ST6GALNAC3: variants seen among roughly 807,000 people sequenced by gnomAD.
ST6GALNAC3 encodes the protein alpha-N-acetylgalactosaminide alpha-2,6-sialyltransferase 3.
A neutral mutation model predicts 32.7 loss-of-function variants in ST6GALNAC3; 25 were observed. That is an observed-to-expected ratio of 0.76 (90% CI 0.56 to 1.07). The LOEUF (loss-of-function observed/expected upper bound fraction) is 1.07. Ranked by LOEUF, ST6GALNAC3 falls within the 50% of genes least tolerant of loss-of-function variation. The pLI is 0.00. For synonymous variants in ST6GALNAC3, 129 were observed against 133.1 expected (o/e 0.97, Z 0.21); for missense variants, 355 against 382.4 (o/e 0.93, Z 0.60).
intron 3 of ST6GALNAC3, among the ~76,000 whole-genome samples, chr1:76,446,536 T>A: frequency 6.6e-6 from 1 of 152,146 alleles, no homozygotes; most frequent in East Asian, 1.9e-4. Context: ...TGTTACTATC[T>A]CCTTAGCTTT....
intron 3 of ST6GALNAC3, among the ~76,000 whole-genome samples, chr1:76,480,564 G>C (rs1182688826): frequency 6.6e-6 from 1 of 152,082 alleles, no homozygotes; most frequent in African/African-American, 2.4e-5. Context: ...GGTACATAGT[G>C]CCTCTAGCTG....
intron 2 of ST6GALNAC3, among the ~76,000 whole-genome samples, chr1:76,368,212 A>G (rs1650531730): frequency 6.6e-6 from 1 of 152,120 alleles, no homozygotes; most frequent in Admixed American, 6.5e-5. Flanking sequence ...GCACAAAACC[A>G]TCTATAGGCA....
chr1:76,566,988 C>A (rs564465609), intron 3 of ST6GALNAC3, among the ~76,000 whole-genome samples: 16 of 151,922 alleles, frequency 1.1e-4, no homozygotes, highest in Non-Finnish European at 2.1e-4. Flanking sequence ...GCCATCCTAC[C>A]CTTAATAGAT....
chr1:76,466,213 TA>T (rs1318126911), intron 3 of ST6GALNAC3, among the ~76,000 whole-genome samples: 3 of 152,128 alleles, frequency 2.0e-5, no homozygotes, highest in Non-Finnish European at 4.4e-5. Context: ...GATGATGACA[TA>T]GTCTCAGATA....
intron 2 of ST6GALNAC3, among the ~76,000 whole-genome samples, chr1:76,332,857 C>G (rs945425061): frequency 6.6e-6 from 1 of 152,116 alleles, no homozygotes; most frequent in East Asian, 1.9e-4. Flanking sequence ...CCTCATTTAC[C>G]TGGTAAACTC....
intron 2 of ST6GALNAC3, among the ~76,000 whole-genome samples, chr1:76,392,780 C>A (rs1293665495): frequency 6.6e-6 from 1 of 152,108 alleles, no homozygotes; most frequent in Non-Finnish European, 1.5e-5. Context: ...GGTCAACTGG[C>A]CAAAAATAAA....
At chr1:76,328,795 T>A (rs1300074134) in intron 2 of ST6GALNAC3, among the ~76,000 whole-genome samples, 1 of 152,176 alleles carries the variant, frequency 6.6e-6, no homozygotes, top group Non-Finnish European at 1.5e-5. Context: ...AGGTAAAGTT[T>A]TAGGTGCTGA....
intron 1 of ST6GALNAC3, among the ~76,000 whole-genome samples, chr1:76,277,530 A>G (rs541777124): frequency 0.015 from 699 of 47,228 alleles, 7 homozygotes; most frequent in African/African-American, 0.036. Context: ...GTTTATGTGT[A>G]TATATATATA....
chr1:76,503,123 A>G (rs994483002), intron 3 of ST6GALNAC3, among the ~76,000 whole-genome samples: 1 of 152,192 alleles, frequency 6.6e-6, no homozygotes, highest in African/African-American at 2.4e-5. Flanking sequence ...CATGAAAAGA[A>G]TATAAGGAAG....
intron 2 of ST6GALNAC3, among the ~76,000 whole-genome samples, chr1:76,326,160 T>A (rs1389597085): frequency 2.9e-4 from 44 of 152,288 alleles, no homozygotes; most frequent in Non-Finnish European, 5.9e-5. Context: ...CCTGGTCTGT[T>A]TCATGTGTCT....
At chr1:76,144,833 C>T (rs535859280) in intron 1 of ST6GALNAC3, among the ~76,000 whole-genome samples, 1 of 152,202 alleles carries the variant, frequency 6.6e-6, no homozygotes, top group Non-Finnish European at 1.5e-5. Flanking sequence ...TTGGGGATCA[C>T]CTTGACAAAC....
chr1:76,261,467 C>T (rs932556888), intron 1 of ST6GALNAC3, among the ~76,000 whole-genome samples: 4 of 152,178 alleles, frequency 2.6e-5, no homozygotes, highest in Admixed American at 2.6e-4. Flanking sequence ...GAGTTGAGCT[C>T]CTAGGTGAGA....
chr1:76,325,057 A>G (rs1399437474), intron 2 of ST6GALNAC3, among the ~76,000 whole-genome samples: 2 of 152,202 alleles, frequency 1.3e-5, no homozygotes, highest in African/African-American at 2.4e-5. Flanking sequence ...GAACAATGAG[A>G]ACACTTGGAT....
At chr1:76,079,169 G>A (rs1399047064) in intron 1 of ST6GALNAC3, among the ~76,000 whole-genome samples, 1 of 152,156 alleles carries the variant, frequency 6.6e-6, no homozygotes, top group Non-Finnish European at 1.5e-5. Flanking sequence ...GCAGCTCCAG[G>A]AGACAGATTA....
At chr1:76,262,439 T>C (rs1658293131) in intron 1 of ST6GALNAC3, among the ~76,000 whole-genome samples, 3 of 152,056 alleles carry the variant, frequency 2.0e-5, no homozygotes, top group Non-Finnish European at 4.4e-5. Flanking sequence ...CTTAAGGGAG[T>C]GAAAGAGGAA....
intron 2 of ST6GALNAC3, among the ~76,000 whole-genome samples, chr1:76,320,855 G>A (rs1646952632): frequency 6.6e-6 from 1 of 151,818 alleles, no homozygotes; most frequent in African/African-American, 2.4e-5. Flanking sequence ...CACAGATCAA[G>A]TTCTAGCCAC....
At chr1:76,468,420 T>G (rs1658794881) in intron 3 of ST6GALNAC3, among the ~76,000 whole-genome samples, 1 of 152,004 alleles carries the variant, frequency 6.6e-6, no homozygotes, top group African/African-American at 2.4e-5. Flanking sequence ...CCTTTGCAAA[T>G]AGAAAATCCT....
rs75874542 is a variant in ST6GALNAC3, at chr1:76,462,277, T to C, written c.623+49860T>C. On this transcript the variant is annotated intron_variant, in intron 3 of 4. Transcript: ENST00000328299. ...TACATACGTGAATTAATAGGTTGTT[T>C]CCTGCTCTCTCCCCCAACTCTTAAT... Among the ~76,000 whole-genome samples, 895 of 152,240 alleles carry C rather than the reference T, an allele frequency of 5.9e-3. 6 individuals carry two copies. The highest frequency in any genetic ancestry group is 0.021 in the African/African-American group (856 of 41,524).
At chr1:76,195,652 C>A (rs111575621) in intron 1 of ST6GALNAC3, among the ~76,000 whole-genome samples, 16 of 152,280 alleles carry the variant, frequency 1.1e-4, no homozygotes, top group Middle Eastern at 3.4e-3. Flanking sequence ...GTGCAAATGT[C>A]AACATGGTTA....
Sources: gnomAD v4.1 joint callset for allele counts (sites outside exome capture counted in the v4.1 genomes callset) on GRCh38, gnomAD v4.1.1 for gene constraint, MANE v1.5 for transcripts, NCBI Gene and HGNC (gene_info 2026-07-23, HGNC 2026-07-21) for gene names.